Variants in RELN observed in about 807,000 individuals in gnomAD.
RELN encodes reelin.
Under a neutral mutation model 427.6 loss-of-function variants are expected in RELN, and 108 were observed. The ratio of observed to expected loss-of-function variants is 0.25; its 90% CI spans 0.22 to 0.30. The LOEUF (loss-of-function observed/expected upper bound fraction) is 0.30. Ranked by LOEUF, RELN falls within the 10% of genes least tolerant of loss-of-function variation. The pLI is 1.00. For synonymous variants in RELN, 1,524 were observed against 1,513.4 expected, an observed-to-expected ratio of 1.01 and a Z score of -0.16; for missense variants, 3,715 against 4,302.8, an observed-to-expected ratio of 0.86 and a Z score of 3.82.
intron 1 of RELN, among the ~76,000 whole-genome samples, chr7:103,938,029 C>A (rs561803525): frequency 6.6e-6 from 1 of 152,050 alleles, no homozygotes; most frequent in East Asian, 1.9e-4. Context: ...TTAGAAAAAC[C>A]CTAGTTCCTG....
chr7:103,742,411 A>C (rs1790689607), intron 6 of RELN, among the ~76,000 whole-genome samples: 1 of 152,248 alleles, frequency 6.6e-6, no homozygotes, highest in African/African-American at 2.4e-5. Flanking sequence ...ACAAAACTGG[A>C]TGGAGAATGA....
rs112147847 is a variant in RELN at position 103,824,286 on chromosome 7, T to C, written c.473+9251A>G. On this transcript the variant is annotated intron_variant, in intron 3 of 64. Transcript: ENST00000428762. This position sits in a 1 kb window ranked among gnomAD's most constrained non-coding sequence, Gnocchi z 4.4. ...CTTGGAGTTCTGCACAGATTACTAA[T>C]GTAAAGCTAGACTCCATATACTGAG... is the stretch of plus-strand genomic sequence containing the variant. Among the ~76,000 whole-genome samples the C allele has an allele frequency of 4.2e-3, 642 of 152,218 alleles. 6 individuals are homozygous for C. Among genetic ancestry groups the C allele is most frequent in the Non-Finnish European group, 5.1e-3 (347 of 68,010 alleles).
intron 8 of RELN, among the ~76,000 whole-genome samples, chr7:103,708,254 C>A (rs1406302838): frequency 6.6e-6 from 1 of 152,050 alleles, no homozygotes; most frequent in Non-Finnish European, 1.5e-5. Flanking sequence ...TTAAAAGTAT[C>A]TCTTATGTTA....
chr7:103,966,220 G>A (rs543542473), intron 1 of RELN, among the ~76,000 whole-genome samples: 16 of 151,696 alleles, frequency 1.1e-4, no homozygotes, highest in African/African-American at 3.6e-4. Flanking sequence ...AAAATTACCC[G>A]CTTTTTCCAG....
chr7:103,656,428 T>C (rs1255217638), intron 12 of RELN, among the ~76,000 whole-genome samples: 1 of 151,640 alleles, frequency 6.6e-6, no homozygotes, highest in Non-Finnish European at 1.5e-5. Context: ...AATCTGGGGG[T>C]GAGCCTGTTA....
chr7:103,492,155 G>A, intron 57 of RELN, 129 bp from the exon 58 acceptor site: 1 of 739,220 alleles, frequency 1.4e-6, no homozygotes, highest in Non-Finnish European at 2.4e-6. Context: ...AGAGCAGCCT[G>A]CTGGGATACC....
chr7:103,489,476 A>G (rs753160925), intron 60 of RELN, among the ~76,000 whole-genome samples: 4 of 152,178 alleles, frequency 2.6e-5, no homozygotes, highest in Non-Finnish European at 5.9e-5. Flanking sequence ...CTGATTTAGC[A>G]TATCTGGATT....
intron 64 of RELN, 54 bp from the exon 65 acceptor site, chr7:103,472,962 A>C: frequency 7.4e-7 from 1 of 1,357,990 alleles, no homozygotes; most frequent in South Asian, 1.2e-5. Flanking sequence ...AGAGCATGTA[A>C]GTCCCATCAT....
At chr7:103,943,922 A>C (rs2116743723) in intron 1 of RELN, among the ~76,000 whole-genome samples, 1 of 151,286 alleles carries the variant, frequency 6.6e-6, no homozygotes, top group East Asian at 1.9e-4. Context: ...TGTTCCCTTA[A>C]AATTTAGAGT....
At chr7:103,504,359 TAATCAGTATCCTAC>T (rs1829138250) in intron 51 of RELN, 1 of 152,240 alleles carries the variant, frequency 6.6e-6, no homozygotes, top group African/African-American at 2.4e-5. Context: ...CTCGGAGTTA[TAATCAGTATCCTAC>T]ATTTTTATTG....
rs142501507 is a variant in RELN, at chr7:103,679,697, CT to C, written c.1289+2418del. ...TTTTCAGGCATAAATAGTTTTAGTT[CT>C]TTTTTTTTTGTTTGGGGGAAATGAT... On this transcript the variant is annotated intron_variant, in intron 11 of 64. Coordinates refer to ENST00000428762, the MANE Select transcript of RELN (RefSeq NM_005045.4). 2.0e-3 allele frequency among the ~76,000 whole-genome samples: 301 copies of C among 147,554 alleles called. 1 individual carries two copies. The highest frequency in any genetic ancestry group is 7.0e-3 in the Middle Eastern group (2 of 286).
intron 48 of RELN, among the ~76,000 whole-genome samples, chr7:103,519,765 G>C (rs1829658595): frequency 6.6e-6 from 1 of 152,012 alleles, no homozygotes; most frequent in Admixed American, 6.6e-5. Flanking sequence ...TGTAGAGACA[G>C]GGTTTTGTTA....
chr7:103,936,620 C>T (rs1176589535), intron 1 of RELN, among the ~76,000 whole-genome samples: 1 of 151,860 alleles, frequency 6.6e-6, no homozygotes, highest in Non-Finnish European at 1.5e-5. Flanking sequence ...ACAATAAATG[C>T]CCTCATTGTT....
chr7:103,713,060 G>A (rs1200234540), intron 8 of RELN, among the ~76,000 whole-genome samples: 2 of 152,134 alleles, frequency 1.3e-5, no homozygotes, highest in Admixed American at 1.3e-4. Context: ...ATGCAGCACA[G>A]GGCCACAGAA....
chr7:103,916,092 T>G (rs2116667547), intron 2 of RELN, among the ~76,000 whole-genome samples: 1 of 152,296 alleles, frequency 6.6e-6, no homozygotes, highest in African/African-American at 2.4e-5. Context: ...CGAGGTTTCC[T>G]TAAGCTGTGG....
At chr7:103,858,136 G>A (rs886767512) in intron 2 of RELN, among the ~76,000 whole-genome samples, 16 of 152,104 alleles carry the variant, frequency 1.1e-4, no homozygotes, top group African/African-American at 3.9e-4. Context: ...TAGTGTAATG[G>A]TTAAGTACAA....
chr7:103,637,930 T>C (rs1185671406), intron 17 of RELN, among the ~76,000 whole-genome samples: 2 of 152,210 alleles, frequency 1.3e-5, no homozygotes, highest in Admixed American at 6.5e-5. Flanking sequence ...GACAAGTGAC[T>C]GGGAGAAACT....
At position 103,522,175 on chromosome 7, in the gene RELN, C is replaced by T. The variant is rs1356618189; in HGVS notation, c.7515G>A (p.Leu2505=). 1 of 1,614,020 alleles carries T rather than the reference C, an allele frequency of 6.2e-7. No homozygotes were observed. The highest frequency in any genetic ancestry group is 2.2e-5 in the East Asian group (1 of 44,864). ...GAGAGGTCTCGGGGTCATCACAGTA[C>T]AGGCCACCCCACTGTTCATCACAGC... ...NCVCDEQWGG[L]YCDDPETSLP... Residue 2505 remains leucine, a synonymous_variant, in exon 48 of 65, where the codon CTG becomes CTA. Transcript: ENST00000428762.
chr7:103,539,250 C>A lies in RELN; in HGVS notation c.7008G>T (p.Leu2336=), dbSNP rs761376181. ...GCATCTTGGTGCCTCCTGGGTGAAG[C>A]AGCCATTTCCTACTATCAAGGGTTG... The part of the protein sequence containing the change: ...DFTTLDSRKW[L]LHPGGTKMPV... The change falls in exon 45 of 65, where the codon CTG becomes CTT. Residue 2336 remains leucine (L), a synonymous_variant. Transcript: ENST00000428762. 1 of 1,614,238 alleles carries A rather than the reference C, an allele frequency of 6.2e-7. No individual in the cohort carries two copies. The highest frequency in any genetic ancestry group is 1.3e-5 in the African/African-American group (1 of 75,070).
Sources: gnomAD v4.1 joint callset for allele counts (sites outside exome capture counted in the v4.1 genomes callset) on GRCh38, gnomAD v4.1.1 for gene constraint, Gnocchi (gnomAD v3.1) non-coding constraint, MANE v1.5 for transcripts, NCBI Gene and HGNC (gene_info 2026-07-23, HGNC 2026-07-21) for gene names.